The following ATP10A variants were observed in gnomAD, a reference collection of about 807,000 sequenced individuals.
The protein encoded by ATP10A is ATPase phospholipid transporting 10A (putative), also known as phospholipid-transporting ATPase VA.
In ATP10A, 111 loss-of-function variants were observed where a neutral mutation model predicts 147.8. That is an observed-to-expected ratio of 0.75 (90% CI 0.64 to 0.88). The LOEUF (loss-of-function observed/expected upper bound fraction) is 0.88. ATP10A is among the 40% of genes least tolerant of loss of function. ATP10A has a pLI of 0.00. For synonymous variants in ATP10A, 875 were observed against 841.6 expected (o/e 1.04, Z -0.69); for missense variants, 1,927 against 1,959.0 (o/e 0.98, Z 0.31).
intron 2 of ATP10A, among the ~76,000 whole-genome samples, chr15:25,770,122 C>A (rs2140661817): frequency 6.6e-6 from 1 of 152,334 alleles, no homozygotes; most frequent in African/African-American, 2.4e-5. Flanking sequence ...CCCAAGCCAA[C>A]TACGAGGTGA....
chr15:25,815,709 T>TG (rs1027409191), intron 1 of ATP10A, among the ~76,000 whole-genome samples: 1 of 140,580 alleles, frequency 7.1e-6, no homozygotes, highest in African/African-American at 2.6e-5. Context: ...TCTGCACATG[T>TG]GAAAAACTGC....
At chr15:25,756,773 T>C (rs779181671) in intron 2 of ATP10A, among the ~76,000 whole-genome samples, 1 of 152,252 alleles carries the variant, frequency 6.6e-6, no homozygotes, top group Admixed American at 6.5e-5. Flanking sequence ...TAAACAAAAC[T>C]GGTTTAATGT....
chr15:25,691,773 A>T lies in ATP10A; in HGVS notation c.3107T>A (p.Val1036Asp). The change falls in exon 15 of 21, where the codon GTC (valine) becomes GAC (aspartate). Residue 1036 changes from valine (V) to aspartate (D), a missense_variant. Coordinates refer to ENST00000555815, the MANE Select transcript of ATP10A (RefSeq NM_024490.4). ...TLAIGDGAND[V>D]SMIQVADVGV... ...CACATCTGCCACCTGGATCATGCTGACATCATTGGCTCCATCACCTAGAAA... is the reference window on the plus strand; with the variant it reads ...CACATCTGCCACCTGGATCATGCTGTCATCATTGGCTCCATCACCTAGAAA... 1 of 1,614,188 alleles carries T rather than the reference A, an allele frequency of 6.2e-7. No individual in the cohort carries two copies. The highest frequency in any genetic ancestry group is 8.5e-7 in the Non-Finnish European group (1 of 1,180,034).
intron 2 of ATP10A, among the ~76,000 whole-genome samples, chr15:25,739,269 T>A (rs1346659687): frequency 6.6e-6 from 1 of 152,104 alleles, no homozygotes; most frequent in African/African-American, 2.4e-5. Flanking sequence ...TTTCCAAAAT[T>A]TAAGTTTTAG....
At chr15:25,823,931 G>A (rs1453963124) in intron 1 of ATP10A, among the ~76,000 whole-genome samples, 3 of 152,170 alleles carry the variant, frequency 2.0e-5, no homozygotes, top group South Asian at 4.1e-4. Flanking sequence ...GGTCATGTGC[G>A]TTCTTTTGCA....
intron 2 of ATP10A, among the ~76,000 whole-genome samples, chr15:25,773,846 ACACAC>A (rs2140675909): frequency 6.6e-6 from 1 of 151,840 alleles, no homozygotes; most frequent in African/African-American, 2.4e-5. Flanking sequence ...ACACACACAC[ACACAC>A]ATATTCACTC....
chr15:25,732,558 C>CTTTTTTTTTTTTTTT lies in ATP10A; in HGVS notation c.740+3483_740+3497dup, dbSNP rs36120691. The stretch of plus-strand genomic sequence containing the variant: ...GTGAGCATTTCACATGCGACACCTT[C>CTTTTTTTTTTTTTTT]TTTTTTTTTTTTTTTGAGATGGAGT... On this transcript the variant is annotated intron_variant, in intron 3 of 20. Transcript: ENST00000555815. 7.3e-4 allele frequency among the ~76,000 whole-genome samples: 61 copies of CTTTTTTTTTTTTTTT among 84,120 alleles called. 1 individual carries two copies. The highest frequency in any genetic ancestry group is 0.016 in the Middle Eastern group (1 of 62). 55.2% of individuals were successfully genotyped at this position (84,120 alleles called of 152,430 possible). A position where few individuals can be genotyped will look rare whatever the true frequency, so the allele number is the denominator to read the frequency against.
downstream of ATP10A, among the ~76,000 whole-genome samples, chr15:25,673,043 AAGGGCCAATGAGC>A (rs1175308160): frequency 6.6e-6 from 1 of 152,170 alleles, no homozygotes. Context: ...TCACAGGGGC[AAGGGCCAATGAGC>A]AGGGCCAGTG....
Position 25,679,385 on chromosome 15 carries a change from C to G in ATP10A, c.4456G>C (p.Asp1486His), listed in dbSNP as rs753932918. The change falls in exon 21 of 21, where the codon GAC becomes CAC. Residue 1486 changes from aspartate (D) to histidine (H), a missense_variant. Transcript: ENST00000555815. ...HSGRSGLQGP[D>H]HRLLIGASSR... ...GATGCTCCTATAAGTAGTCTGTGGTCTGGCCCTTGAAGTCCTGATCGGCCT... is the reference window on the plus strand; with the variant it reads ...GATGCTCCTATAAGTAGTCTGTGGTGTGGCCCTTGAAGTCCTGATCGGCCT... The G allele has an allele frequency of 6.2e-7, 1 of 1,606,720 alleles. No homozygotes were observed. Among genetic ancestry groups the G allele is most frequent in the Non-Finnish European group, 8.5e-7 (1 of 1,173,944 alleles).
intron 13 of ATP10A, among the ~76,000 whole-genome samples, chr15:25,701,237 T>C (rs1488751602): frequency 6.6e-6 from 1 of 152,100 alleles, no homozygotes; most frequent in Non-Finnish European, 1.5e-5. Context: ...ACCAAGGCCA[T>C]CTCAGAAAGG....
At chr15:25,714,884 A>C (rs1358148473) in intron 9 of ATP10A, among the ~76,000 whole-genome samples, 1 of 152,076 alleles carries the variant, frequency 6.6e-6, no homozygotes, top group Non-Finnish European at 1.5e-5. Flanking sequence ...AAGCGCATTA[A>C]ATACACTGAC....
At chr15:25,767,708 G>A (rs962560952) in intron 2 of ATP10A, among the ~76,000 whole-genome samples, 1 of 152,170 alleles carries the variant, frequency 6.6e-6, no homozygotes, top group African/African-American at 2.4e-5. Flanking sequence ...ATCCCACCTC[G>A]GCCAATGAGA....
intron 1 of ATP10A, among the ~76,000 whole-genome samples, chr15:25,820,999 A>G (rs1400890865): frequency 1.3e-5 from 2 of 152,364 alleles, no homozygotes; most frequent in Non-Finnish European, 1.5e-5. Context: ...AAAATACTTG[A>G]CAGATAAAAA....
At chr15:25,816,189 G>T (rs1296074844) in intron 1 of ATP10A, among the ~76,000 whole-genome samples, 5 of 151,762 alleles carry the variant, frequency 3.3e-5, no homozygotes, top group African/African-American at 1.2e-4. Flanking sequence ...TATTATAAGT[G>T]AAATGAAAGA....
chr15:25,676,078 C>T (rs1413941496), downstream of ATP10A, among the ~76,000 whole-genome samples: 1 of 152,208 alleles, frequency 6.6e-6, no homozygotes, highest in African/African-American at 2.4e-5. Context: ...GGAAGCTCCC[C>T]TGGACATGGG....
At chr15:25,781,305 TG>T in intron 1 of ATP10A, 82 bp from the exon 2 acceptor site, 2 of 1,178,292 alleles carry the variant, frequency 1.7e-6, no homozygotes, top group African/African-American at 3.1e-5. Context: ...GGGGCTCATA[TG>T]GCAATTCTTT....
Position 25,708,106 on chromosome 15 carries a change from T to G in ATP10A, c.2449-4A>C, listed in dbSNP as rs1365389232. 4 of 1,613,656 alleles carry G rather than the reference T, an allele frequency of 2.5e-6. No homozygotes were observed. The highest frequency in any genetic ancestry group is 1.7e-5 in the Admixed American group (1 of 60,002). On this transcript the variant is annotated splice_polypyrimidine_tract_variant and splice_region_variant and intron_variant, in intron 11 of 20. Transcript: ENST00000555815. Reference sequence around the variant, plus strand: ...CATACTCTTCTTTACTCAGAACCTATGGGAGATACATTGTTGAGTGCTGCA... The same window carrying G: ...CATACTCTTCTTTACTCAGAACCTAGGGGAGATACATTGTTGAGTGCTGCA...
Position 25,691,696 on chromosome 15 carries a change from T to C in ATP10A, c.3165+19A>G. On this transcript the variant is annotated intron_variant, in intron 15 of 20. Coordinates refer to ENST00000555815, the MANE Select transcript of ATP10A (RefSeq NM_024490.4). ...AGTAGGGCCAATTGGTCACACAGAA[T>C]AGCCTGATTGGTCTTTACCTGCATA... The C allele has an allele frequency of 1.2e-6, 2 of 1,613,906 alleles. No homozygotes were observed. The highest frequency in any genetic ancestry group is 2.2e-5 in the East Asian group (1 of 44,868).
At chr15:25,783,484 CCT>C (rs1890023645) in intron 1 of ATP10A, among the ~76,000 whole-genome samples, 2 of 147,398 alleles carry the variant, frequency 1.4e-5, no homozygotes, top group South Asian at 4.3e-4. Context: ...GGGACCCCCC[CCT>C]GGCAAAGTTC....
Sources: allele counts gnomAD v4.1 joint callset (sites outside exome capture counted in the v4.1 genomes callset), GRCh38; gene constraint gnomAD v4.1.1; transcripts MANE v1.5; gene names NCBI Gene and HGNC (gene_info 2026-07-23, HGNC 2026-07-21).